Variants in KAT6B observed in about 807,000 individuals in gnomAD.
KAT6B encodes the protein histone acetyltransferase KAT6B.
A neutral mutation model predicts 187.5 loss-of-function variants in KAT6B; 10 were observed. The observed-to-expected ratio is 0.05, with a 90% CI of 0.03 to 0.09. KAT6B has a LOEUF of 0.09. Among genes scored for constraint, KAT6B ranks in the 10% least tolerant of loss-of-function variants. KAT6B has a pLI of 1.00. For synonymous variants in KAT6B, 861 were observed against 926.8 expected (o/e 0.93, Z 1.29); for missense variants, 1,952 against 2,558.9 (o/e 0.76, Z 5.12).
At chr10:74,984,989 G>A in intron 11 of KAT6B, 91 bp from the exon 12 acceptor site, 2 of 1,157,052 alleles carry the variant, frequency 1.7e-6, no homozygotes, top group Non-Finnish European at 2.6e-6. Context: ...GAAATAAAAT[G>A]ATGTACTTTC....
chr10:74,898,443 T>C (rs1177457572), intron 3 of KAT6B, among the ~76,000 whole-genome samples: 1 of 152,162 alleles, frequency 6.6e-6, no homozygotes, highest in Non-Finnish European at 1.5e-5. Context: ...TTCACTGCCT[T>C]CTTTCTACAA....
chr10:74,987,119 A>G (rs1020839077), intron 12 of KAT6B, among the ~76,000 whole-genome samples: 1 of 152,324 alleles, frequency 6.6e-6, no homozygotes, highest in South Asian at 2.1e-4. Context: ...AACAAAAATT[A>G]ATCTAAAAAA....
intron 13 of KAT6B, among the ~76,000 whole-genome samples, chr10:75,007,518 T>TA (rs970554332): frequency 3.9e-5 from 6 of 152,092 alleles, no homozygotes; most frequent in East Asian, 1.9e-4. Context: ...GATGAAAGTA[T>TA]AAAAAAATGC....
At chr10:74,955,336 A>G (rs940296477) in intron 3 of KAT6B, among the ~76,000 whole-genome samples, 11 of 151,360 alleles carry the variant, frequency 7.3e-5, no homozygotes, top group African/African-American at 2.4e-4. Context: ...TACTGAAAAT[A>G]ATGATTCAGT....
Position 74,843,117 on chromosome 10 carries a change from C to T in KAT6B, c.260C>T (p.Thr87Ile). ...PGRFSSVKPG[T>I]FPKSAKGSRG... Reference sequence around the variant, plus strand: ...CGCTTTTCATCAGTTAAACCAGGCACTTTTCCTAAGTCAGCCAAGGGGTCT... The same window carrying T: ...CGCTTTTCATCAGTTAAACCAGGCATTTTTCCTAAGTCAGCCAAGGGGTCT... The change falls in exon 3 of 18, where the codon ACT (threonine) becomes ATT (isoleucine). Residue 87 changes from threonine (T) to isoleucine (I), a missense_variant. Physicochemically the swap from Thr to Ile is moderately conservative, Grantham distance 89 (BLOSUM62 -1). Transcript: ENST00000287239. 6.2e-7 allele frequency: 1 copy of T among 1,614,180 alleles called. No homozygotes were observed. Among genetic ancestry groups the T allele is most frequent in the Non-Finnish European group, 8.5e-7 (1 of 1,180,040 alleles).
intron 3 of KAT6B, among the ~76,000 whole-genome samples, chr10:74,945,498 C>G (rs1040873092): frequency 1.3e-5 from 2 of 152,180 alleles, no homozygotes; most frequent in Non-Finnish European, 2.9e-5. Context: ...GAGTCTCACT[C>G]TGTCATCCAG....
At chr10:74,897,409 A>G (rs1163588220) in intron 3 of KAT6B, among the ~76,000 whole-genome samples, 3 of 152,234 alleles carry the variant, frequency 2.0e-5, no homozygotes, top group Non-Finnish European at 2.9e-5. Context: ...GGAAGAATGC[A>G]CACTGCTGGA....
intron 3 of KAT6B, among the ~76,000 whole-genome samples, chr10:74,947,645 T>C (rs987078218): frequency 1.3e-5 from 2 of 152,220 alleles, no homozygotes; most frequent in Non-Finnish European, 2.9e-5. Flanking sequence ...GTCACCAAAA[T>C]AATGGGCTTT....
rs1245474036 is a variant in KAT6B at position 75,010,145 on chromosome 10, TG to T, written c.2630-10431del. ...TTCAGAGGGGGCTCAGCAATAACCC[TG>T]GGGGGACACAACCATTGATCTCCAG... On this transcript the variant is annotated intron_variant, in intron 13 of 17. Coordinates refer to ENST00000287239, the MANE Select transcript of KAT6B (RefSeq NM_012330.4). Among the ~76,000 whole-genome samples, 9 of 152,180 alleles carry T rather than the reference TG, an allele frequency of 5.9e-5. No individual in the cohort carries two copies. The East Asian group carries it at 1.7e-3, about 29-fold the overall frequency.
intron 1 of KAT6B, among the ~76,000 whole-genome samples, chr10:74,830,540 G>A (rs1387987648): frequency 6.6e-6 from 1 of 151,320 alleles, no homozygotes; most frequent in Non-Finnish European, 1.5e-5. Flanking sequence ...TAGTCATAAG[G>A]TATGCTTGTC....
intron 1 of KAT6B, among the ~76,000 whole-genome samples, chr10:74,831,902 C>T (rs1840892784): frequency 6.6e-6 from 1 of 152,194 alleles, no homozygotes; most frequent in African/African-American, 2.4e-5. Flanking sequence ...GGACTGGATC[C>T]CTGACTCTGA....
chr10:74,835,116 T>C (rs139347422), intron 1 of KAT6B, among the ~76,000 whole-genome samples: 3 of 152,204 alleles, frequency 2.0e-5, no homozygotes, highest in African/African-American at 7.2e-5. Flanking sequence ...TAATACTAAG[T>C]GGGAAATGAA....
At chr10:74,825,394 T>G (rs934496857), upstream of KAT6B, among the ~76,000 whole-genome samples, 1 of 141,754 alleles carries the variant, frequency 7.1e-6, no homozygotes. This position sits in a 1 kb window ranked among gnomAD's most constrained non-coding sequence, Gnocchi z 5.0. Flanking sequence ...GCGGGCGGGG[T>G]CCGGGCTGCG....
intron 3 of KAT6B, among the ~76,000 whole-genome samples, chr10:74,897,680 A>G (rs1846086392): frequency 6.6e-6 from 1 of 152,206 alleles, no homozygotes. Flanking sequence ...TTCATCCAAT[A>G]GATACTTGAT....
At chr10:74,883,805 A>G (rs1217398956) in intron 3 of KAT6B, among the ~76,000 whole-genome samples, 4 of 152,088 alleles carry the variant, frequency 2.6e-5, no homozygotes, top group African/African-American at 9.7e-5. Flanking sequence ...TCCTCATCCA[A>G]TTCTGTTTTG....
At chr10:74,966,619 G>A (rs1841489631) in intron 4 of KAT6B, among the ~76,000 whole-genome samples, 1 of 152,204 alleles carries the variant, frequency 6.6e-6, no homozygotes, top group South Asian at 2.1e-4. Context: ...AATTGAATGA[G>A]TGAATGAATA....
Position 74,977,402 on chromosome 10 carries a change from G to A in KAT6B, c.2080G>A (p.Asp694Asn), listed in dbSNP as rs768229150. Residue 694 changes from aspartate to asparagine, a missense_variant, in exon 9 of 18, where the codon GAT becomes AAT. Transcript: ENST00000287239. ...NKDVVTEEDL[D>N]VFKQAQELSW... ...GGATGTCGTTACTGAAGAGGATTTGGATGTTTTTAAGCAGGCCCAGGAACT... is the reference window on the plus strand; with the variant it reads ...GGATGTCGTTACTGAAGAGGATTTGAATGTTTTTAAGCAGGCCCAGGAACT... 6.2e-7 allele frequency: 1 copy of A among 1,613,942 alleles called. No individual in the cohort carries two copies. Among genetic ancestry groups the A allele is most frequent in the Admixed American group, 1.7e-5 (1 of 60,032 alleles).
intron 3 of KAT6B, among the ~76,000 whole-genome samples, chr10:74,902,154 C>G (rs541355755): frequency 6.6e-6 from 1 of 152,286 alleles, no homozygotes; most frequent in African/African-American, 2.4e-5. Flanking sequence ...GCCCATAGCT[C>G]CTCTTTACTA....
At chr10:74,888,232 A>G (rs981443646) in intron 3 of KAT6B, among the ~76,000 whole-genome samples, 2 of 152,232 alleles carry the variant, frequency 1.3e-5, no homozygotes, top group African/African-American at 4.8e-5. Flanking sequence ...TCTTGGGTAT[A>G]GCTGGGAAGT....
Sources: allele counts gnomAD v4.1 joint callset (sites outside exome capture counted in the v4.1 genomes callset), GRCh38; gene constraint gnomAD v4.1.1; non-coding constraint Gnocchi (gnomAD v3.1); transcripts MANE v1.5; gene names NCBI Gene and HGNC (gene_info 2026-07-23, HGNC 2026-07-21).